RAB2A: variants seen among roughly 807,000 people sequenced by gnomAD.
The protein encoded by RAB2A is ras-related protein Rab-2A.
A neutral mutation model predicts 32.5 loss-of-function variants in RAB2A; 7 were observed. The ratio of observed to expected loss-of-function variants is 0.22; its 90% CI spans 0.12 to 0.40. The LOEUF is 0.40. Ranked by LOEUF, RAB2A falls within the 10% of genes least tolerant of loss-of-function variation. The pLI, the probability that RAB2A is intolerant of heterozygous loss-of-function variation, is 1.00. For missense variants in RAB2A, 108 were observed against 260.7 expected (o/e 0.41, Z 4.03); for synonymous variants, 79 against 85.2 (o/e 0.93, Z 0.40).
chr8:60,548,809 G>A (rs1185928592), intron 1 of RAB2A, among the ~76,000 whole-genome samples: 25 of 146,324 alleles, frequency 1.7e-4, no homozygotes, highest in African/African-American at 6.5e-4. Context: ...CGGCTGGCCG[G>A]GCGGGGGGCT....
At chr8:60,577,152 C>T (rs2130843940) in intron 3 of RAB2A, among the ~76,000 whole-genome samples, 1 of 151,504 alleles carries the variant, frequency 6.6e-6, no homozygotes, top group East Asian at 2.0e-4. Flanking sequence ...CTCAAGTGAT[C>T]CTCTCACCTC....
At chr8:60,545,169 G>A (rs1479622906) in intron 1 of RAB2A, among the ~76,000 whole-genome samples, 1 of 152,168 alleles carries the variant, frequency 6.6e-6, no homozygotes, top group East Asian at 1.9e-4. Context: ...ATGAACTCCA[G>A]TAGAATACCC....
chr8:60,564,991 G>A (rs1256647925), intron 2 of RAB2A, among the ~76,000 whole-genome samples: 1 of 152,178 alleles, frequency 6.6e-6, no homozygotes, highest in South Asian at 2.1e-4. Context: ...TACAAATAAG[G>A]CACAGCCCAC....
At chr8:60,577,765 A>G (rs1803665225) in intron 3 of RAB2A, among the ~76,000 whole-genome samples, 1 of 149,372 alleles carries the variant, frequency 6.7e-6, no homozygotes, top group South Asian at 2.1e-4. Flanking sequence ...AGCTGGGACT[A>G]CAGGTGCCCG....
chr8:60,617,927 C>T (rs1409758510), intron 6 of RAB2A, among the ~76,000 whole-genome samples: 1 of 152,158 alleles, frequency 6.6e-6, no homozygotes, highest in Non-Finnish European at 1.5e-5. Flanking sequence ...TTTCTGTCTC[C>T]ATGGATTTGC....
At chr8:60,567,171 A>C (rs1808128354) in intron 2 of RAB2A, among the ~76,000 whole-genome samples, 1 of 147,112 alleles carries the variant, frequency 6.8e-6, no homozygotes, top group South Asian at 2.1e-4. Flanking sequence ...GCTGGAGTGC[A>C]GTGGTGCAGT....
intron 2 of RAB2A, chr8:60,570,112 C>T: frequency 2.2e-6 from 1 of 446,554 alleles, no homozygotes; most frequent in South Asian, 1.6e-5. Context: ...AGAGAGGGAG[C>T]ATCTGCTTGC....
chr8:60,580,232 T>C (rs1217112882), intron 3 of RAB2A, among the ~76,000 whole-genome samples: 2 of 151,892 alleles, frequency 1.3e-5, no homozygotes, highest in African/African-American at 2.4e-5. Flanking sequence ...CCTGACCTCG[T>C]GATCTGCCTG....
chr8:60,521,956 A>G (rs1807309196), intron 1 of RAB2A, among the ~76,000 whole-genome samples: 2 of 152,190 alleles, frequency 1.3e-5, no homozygotes, highest in East Asian at 3.9e-4. Context: ...GATTTGGAGC[A>G]TTGGTTCACA....
chr8:60,581,454 A>G (rs911748961), intron 3 of RAB2A, among the ~76,000 whole-genome samples: 1 of 152,170 alleles, frequency 6.6e-6, no homozygotes, highest in African/African-American at 2.4e-5. Flanking sequence ...TTATCACACT[A>G]CTCAGAATAG....
chr8:60,578,298 T>G (rs983505837), intron 3 of RAB2A, among the ~76,000 whole-genome samples: 11 of 152,212 alleles, frequency 7.2e-5, no homozygotes, highest in Non-Finnish European at 1.5e-4. Flanking sequence ...GTTCATTGTA[T>G]CTAATCAATA....
At chr8:60,596,954 G>A (rs147814728) in intron 6 of RAB2A, among the ~76,000 whole-genome samples, 1,805 of 152,150 alleles carry the variant, frequency 0.012, 26 homozygotes, top group African/African-American at 0.039. Context: ...AACAGATGGT[G>A]GAGAGGATGT....
At chr8:60,557,638 T>G (rs1001202927) in intron 1 of RAB2A, among the ~76,000 whole-genome samples, 1 of 152,192 alleles carries the variant, frequency 6.6e-6, no homozygotes, top group Non-Finnish European at 1.5e-5. Flanking sequence ...AGTGGTGTGA[T>G]CATAGCAGCC....
intron 7 of RAB2A, among the ~76,000 whole-genome samples, chr8:60,620,117 A>G (rs571544475): frequency 6.6e-6 from 1 of 152,376 alleles, no homozygotes; most frequent in African/African-American, 2.4e-5. Flanking sequence ...ATTTTTAGGT[A>G]AAATCCACTT....
intron 6 of RAB2A, among the ~76,000 whole-genome samples, chr8:60,606,222 G>A (rs551283069): frequency 6.6e-6 from 1 of 152,186 alleles, no homozygotes; most frequent in African/African-American, 2.4e-5. Flanking sequence ...AGACTCATAG[G>A]CAAAAGGGAC....
At chr8:60,532,202 G>T (rs967865904) in intron 1 of RAB2A, among the ~76,000 whole-genome samples, 5 of 152,166 alleles carry the variant, frequency 3.3e-5, no homozygotes, top group African/African-American at 1.2e-4. Flanking sequence ...TGGTTTTGTA[G>T]CTCTATAGAA....
chr8:60,538,655 CTT>C (rs1383082815), intron 1 of RAB2A, among the ~76,000 whole-genome samples: 1 of 152,192 alleles, frequency 6.6e-6, no homozygotes, highest in Non-Finnish European at 1.5e-5. Context: ...CAGCTGCCCT[CTT>C]TGTGCTCAGC....
intron 6 of RAB2A, among the ~76,000 whole-genome samples, chr8:60,613,616 G>A (rs61122151): frequency 0.011 from 1,738 of 152,222 alleles, 40 homozygotes; most frequent in African/African-American, 0.039. Flanking sequence ...TGGAGAGCCT[G>A]GTTCTAGAGC....
At chr8:60,584,012 T>C (rs916243492) in intron 3 of RAB2A, 196 bp from the exon 4 acceptor site, 2 of 489,026 alleles carry the variant, frequency 4.1e-6, no homozygotes, top group Non-Finnish European at 7.5e-6. Context: ...GTGCACTACA[T>C]GTGCGTCTCG....
Sources: gnomAD v4.1 joint callset for allele counts (sites outside exome capture counted in the v4.1 genomes callset) on GRCh38, gnomAD v4.1.1 for gene constraint, MANE v1.5 for transcripts, NCBI Gene and HGNC (gene_info 2026-07-23, HGNC 2026-07-21) for gene names.